ZNF700: variants seen among roughly 807,000 people sequenced by gnomAD.
The protein encoded by ZNF700 is zinc finger protein 700.
A neutral mutation model predicts 65.3 loss-of-function variants in ZNF700; 38 were observed. That is an observed-to-expected ratio of 0.58 (90% CI 0.45 to 0.76). The LOEUF is 0.76. Ranked by LOEUF, ZNF700 falls within the 30% of genes least tolerant of loss-of-function variation. The pLI is 0.00. For missense variants in ZNF700, 857 were observed against 888.4 expected, an observed-to-expected ratio of 0.96 and a Z score of 0.45; for synonymous variants, 285 against 290.4, an observed-to-expected ratio of 0.98 and a Z score of 0.19.
rs1972743291 is a variant in ZNF700, at chr19:11,933,403, T to C, written c.63+8130T>C. Among the ~76,000 whole-genome samples, 4 of 148,324 alleles carry C rather than the reference T, an allele frequency of 2.7e-5. No homozygotes were observed. The South Asian group carries it at 8.4e-4, about 31-fold the overall frequency. Reference sequence around the variant, plus strand: ...CTAAAGTCCATCTTTTACATGAAACTTCACTCTTTTTGGGCTGTGGTTTAA... The same window carrying C: ...CTAAAGTCCATCTTTTACATGAAACCTCACTCTTTTTGGGCTGTGGTTTAA... On this transcript the variant is annotated intron_variant, in intron 1 of 3. Transcript: ENST00000254321.
At chr19:11,935,846 A>C (rs1052629135) in intron 1 of ZNF700, among the ~76,000 whole-genome samples, 1 of 152,138 alleles carries the variant, frequency 6.6e-6, no homozygotes, top group East Asian at 1.9e-4. Context: ...TCCTAAGGCT[A>C]TCCTCCTCCC....
At chr19:11,938,694 A>C (rs148470166) in intron 1 of ZNF700, among the ~76,000 whole-genome samples, 1 of 152,198 alleles carries the variant, frequency 6.6e-6, no homozygotes, top group Non-Finnish European at 1.5e-5. Context: ...ATACATGTGC[A>C]TGTGTCTTTA....
At position 11,925,267 on chromosome 19, in the gene ZNF700, G is replaced by A; in HGVS notation, c.57G>A (p.Arg19=). The change falls in exon 1 of 4, where the codon CGG becomes CGA. Residue 19 remains arginine, a synonymous_variant. Coordinates refer to ENST00000254321, the MANE Select transcript of ZNF700 (RefSeq NM_144566.3). ...AGGACCCCGGTACATCTGAAAGCCG[G>A]GAAATGGTGCGTGTGCGGGACCAGA... ...CREDPGTSES[R]EMDPVAFEDV... is the part of the protein sequence containing the mutation. The A allele has an allele frequency of 6.2e-7, 1 of 1,612,522 alleles. No individual in the cohort carries two copies. The highest frequency in any genetic ancestry group is 2.2e-5 in the East Asian group (1 of 44,828).
In ZNF700 at chr19:11,947,216, C is replaced by G; in HGVS notation, c.99C>G (p.Phe33Leu). The G allele has an allele frequency of 1.2e-6, 2 of 1,613,972 alleles. No homozygotes were observed. The highest frequency in any genetic ancestry group is 1.7e-6 in the Non-Finnish European group (2 of 1,179,994). The change falls in exon 2 of 4, where the codon TTC becomes TTG. Residue 33 changes from phenylalanine (F) to leucine (L), a missense_variant. Transcript: ENST00000254321. ...CCTTTGAGGATGTGGCTGTGAACTT[C>G]ACCCAGGAAGAGTGGACATTGCTGG... ...PVAFEDVAVN[F>L]TQEEWTLLDI...
At position 11,930,869 on chromosome 19, in the gene ZNF700, C is replaced by A. The variant is rs1183746964; in HGVS notation, c.63+5596C>A. ...TCAAAATTAGCCAAGCATAGTGGTGCATGGCTGTAATCCCAGCTACTCGGG... is the reference window on the plus strand; with the variant it reads ...TCAAAATTAGCCAAGCATAGTGGTGAATGGCTGTAATCCCAGCTACTCGGG... On this transcript the variant is annotated intron_variant, in intron 1 of 3. Coordinates refer to ENST00000254321, the MANE Select transcript of ZNF700 (RefSeq NM_144566.3). Among the ~76,000 whole-genome samples, 3 of 147,726 alleles carry A rather than the reference C, an allele frequency of 2.0e-5. 1 individual carries two copies. Among genetic ancestry groups the A allele is most frequent in the Non-Finnish European group, 2.9e-5 (2 of 67,850 alleles).
intron 1 of ZNF700, among the ~76,000 whole-genome samples, chr19:11,927,112 G>A (rs946838755): frequency 5.9e-5 from 9 of 152,168 alleles, no homozygotes; most frequent in African/African-American, 1.7e-4. Context: ...AAGCACTTTG[G>A]GAGGCCAAGG....
chr19:11,926,834 A>T (rs1972636657), intron 1 of ZNF700: 3 of 153,302 alleles, frequency 2.0e-5, no homozygotes, highest in African/African-American at 7.2e-5. Context: ...TAGAAAGGTC[A>T]AGATTTCAGT....
rs148924734 is a variant in ZNF700 at position 11,948,674 on chromosome 19, G to A, written c.650G>A (p.Ser217Asn). 5.6e-6 allele frequency: 9 copies of A among 1,612,378 alleles called. No homozygotes were observed. Among genetic ancestry groups the A allele is most frequent in the Non-Finnish European group, 7.6e-6 (9 of 1,179,638 alleles). The change falls in exon 4 of 4, where the codon AGT becomes AAT. Residue 217 changes from serine (S) to asparagine (N), a missense_variant. By Grantham distance (46) the Ser-to-Asn change is conservative. Around this residue, in one of 3 missense-constraint regions of ZNF700, gnomAD observed 603 missense variants for 619.9 expected, o/e 0.97. Coordinates refer to ENST00000254321, the MANE Select transcript of ZNF700 (RefSeq NM_144566.3). ...ATTCGAAGACACATGGTAATGCACAGTGGGGATGGAACTTATAAATGTAAA... is the reference window on the plus strand; with the variant it reads ...ATTCGAAGACACATGGTAATGCACAATGGGGATGGAACTTATAAATGTAAA... ...SSIRRHMVMHSGDGTYKCKFC... is the reference protein window; with the variant it reads ...SSIRRHMVMHNGDGTYKCKFC...
Position 11,928,859 on chromosome 19 carries a change from G to A in ZNF700, c.63+3586G>A, listed in dbSNP as rs1972674605. Among the ~76,000 whole-genome samples, 3 of 147,670 alleles carry A rather than the reference G, an allele frequency of 2.0e-5. 1 individual carries two copies. The highest frequency in any genetic ancestry group is 8.0e-5 in the African/African-American group (3 of 37,606). ...CTGTGGGAAGCCAAGGCAGGTGGAT[G>A]GCTTGATCTCAAGAGTTCAAGACCA... On this transcript the variant is annotated intron_variant, in intron 1 of 3. Coordinates refer to ENST00000254321, the MANE Select transcript of ZNF700 (RefSeq NM_144566.3).
At chr19:11,944,221 C>G (rs1385446239) in intron 1 of ZNF700, among the ~76,000 whole-genome samples, 10 of 152,180 alleles carry the variant, frequency 6.6e-5, no homozygotes, top group Admixed American at 6.5e-4. Flanking sequence ...TCACCTAATT[C>G]TCAGGGAGTG....
chr19:11,939,223 T>C (rs529265520), intron 1 of ZNF700, among the ~76,000 whole-genome samples: 28 of 152,332 alleles, frequency 1.8e-4, no homozygotes, highest in African/African-American at 6.3e-4. Flanking sequence ...AGAAGCTCTT[T>C]AGTTTAATTA....
chr19:11,943,850 T>C (rs1972921124), intron 1 of ZNF700, among the ~76,000 whole-genome samples: 1 of 152,200 alleles, frequency 6.6e-6, no homozygotes, highest in African/African-American at 2.4e-5. Context: ...TCCTCATGCT[T>C]TGGCCGCACA....
At chr19:11,942,243 C>T (rs193088162) in intron 1 of ZNF700, among the ~76,000 whole-genome samples, 2 of 151,130 alleles carry the variant, frequency 1.3e-5, no homozygotes, top group Admixed American at 1.3e-4. Flanking sequence ...CTGGACTTCC[C>T]CTCCTGCTCT....
intron 1 of ZNF700, among the ~76,000 whole-genome samples, chr19:11,931,693 C>G (rs536536851): frequency 6.8e-6 from 1 of 147,914 alleles, no homozygotes; most frequent in Non-Finnish European, 1.5e-5. Context: ...GATACTTAAT[C>G]TCCTTTTAAG....
rs955308026 is a variant in ZNF700, at chr19:11,931,796, CT to C, written c.63+6529del. Among the ~76,000 whole-genome samples, 2 of 148,124 alleles carry C rather than the reference CT, an allele frequency of 1.4e-5. 1 individual carries two copies. The highest frequency in any genetic ancestry group is 5.3e-5 in the African/African-American group (2 of 37,960). On this transcript the variant is annotated intron_variant, in intron 1 of 3. Coordinates refer to ENST00000254321, the MANE Select transcript of ZNF700 (RefSeq NM_144566.3). Reference sequence around the variant, plus strand: ...TAATCATTTTTTATCCTTCTTGAGACTTTTTTGGACTTCAAGAAAATTAGTT... The same window carrying C: ...TAATCATTTTTTATCCTTCTTGAGACTTTTTGGACTTCAAGAAAATTAGTT...
At chr19:11,933,636 A>G (rs1295216741) in intron 1 of ZNF700, among the ~76,000 whole-genome samples, 3 of 148,044 alleles carry the variant, frequency 2.0e-5, no homozygotes, top group Non-Finnish European at 4.4e-5. Flanking sequence ...GTAAGTGGCC[A>G]TTTCAGACTT....
intron 1 of ZNF700, among the ~76,000 whole-genome samples, chr19:11,938,110 C>T (rs1162746100): frequency 6.6e-6 from 1 of 151,810 alleles, no homozygotes; most frequent in African/African-American, 2.4e-5. Flanking sequence ...ACTCTGTCAT[C>T]CAGGCTGGAG....
Position 11,950,281 on chromosome 19 carries a change from A to C in ZNF700, c.*28A>C. 6.3e-7 allele frequency: 1 copy of C among 1,587,076 alleles called. No individual in the cohort carries two copies. The highest frequency in any genetic ancestry group is 1.4e-5 in the African/African-American group (1 of 73,212). ...TGGTTCCTTTTATGGACATGAATAG[A>C]CTCACACTGGAAGGAAGCACTATGA... On this transcript the variant is annotated 3_prime_UTR_variant, in exon 4 of 4. Coordinates refer to ENST00000254321, the MANE Select transcript of ZNF700 (RefSeq NM_144566.3).
intron 1 of ZNF700, among the ~76,000 whole-genome samples, chr19:11,941,198 C>A (rs974429239): frequency 6.6e-6 from 1 of 152,246 alleles, no homozygotes; most frequent in African/African-American, 2.4e-5. Flanking sequence ...AGTTTCTCCA[C>A]GTCCCCACCA....
Sources: allele counts gnomAD v4.1 joint callset (sites outside exome capture counted in the v4.1 genomes callset), GRCh38; gene constraint gnomAD v4.1.1; regional missense constraint gnomAD v4.1.1; transcripts MANE v1.5; gene names NCBI Gene and HGNC (gene_info 2026-07-23, HGNC 2026-07-21).